Variants in TRIM5 observed in about 807,000 individuals in gnomAD.
TRIM5 encodes tripartite motif containing 5, also known as tripartite motif-containing protein 5.
A neutral mutation model predicts 35.6 loss-of-function variants in TRIM5; 31 were observed. That is an observed-to-expected ratio of 0.87 (90% confidence interval 0.65 to 1.18). The LOEUF (loss-of-function observed/expected upper bound fraction) is 1.18, where lower values mean the gene tolerates loss of function less well. Among genes scored for constraint, TRIM5 ranks in the 50% most tolerant of loss-of-function variants. TRIM5 has a pLI of 0.00. For synonymous variants in TRIM5, 243 were observed against 215.6 expected, an observed-to-expected ratio of 1.13 and a Z score of -1.11; for missense variants, 609 against 591.6, an observed-to-expected ratio of 1.03 and a Z score of -0.31.
At chr11:5,636,547 A>C in the TRIM5 span, among the ~76,000 whole-genome samples, 1 of 152,178 alleles carries the variant, frequency 6.6e-6, no homozygotes, top group Non-Finnish European at 1.5e-5. Flanking sequence ...ACAAAAACAA[A>C]AAGGTTCCGT....
chr11:5,681,099 A>G (rs1220321161), intron 1 of TRIM5, among the ~76,000 whole-genome samples: 10 of 152,086 alleles, frequency 6.6e-5, no homozygotes, highest in African/African-American at 2.2e-4. Context: ...GACATGGTGT[A>G]GAGGGTGATG....
chr11:5,614,793 T>C, the TRIM5 span, among the ~76,000 whole-genome samples: 557 of 152,320 alleles, frequency 3.7e-3, 2 homozygotes, highest in African/African-American at 0.013. Flanking sequence ...GAGGACTGTC[T>C]TAACATTATT....
the TRIM5 span, among the ~76,000 whole-genome samples, chr11:5,652,123 TTTTTGG>T: frequency 2.7e-4 from 41 of 152,014 alleles, no homozygotes; most frequent in East Asian, 1.9e-3. Context: ...TTTGTTTTTG[TTTTTGG>T]TTTTGGTTTT....
chr11:5,650,749 C>T, the TRIM5 span, among the ~76,000 whole-genome samples: 1 of 152,148 alleles, frequency 6.6e-6, no homozygotes, highest in Admixed American at 6.5e-5. Context: ...TTCATGATGG[C>T]CAGGTAGGGT....
chr11:5,658,944 T>C (rs147185200), downstream of TRIM5, among the ~76,000 whole-genome samples: 231 of 152,142 alleles, frequency 1.5e-3, 1 homozygote, highest in African/African-American at 5.3e-3. Context: ...TAGGTGGGAA[T>C]TGAACAATGA....
the TRIM5 span, among the ~76,000 whole-genome samples, chr11:5,644,862 T>TGGGG: frequency 3.9e-5 from 6 of 152,114 alleles, no homozygotes; most frequent in Non-Finnish European, 7.4e-5. Context: ...GATTGGATCA[T>TGGGG]GGGGGCCTCA....
chr11:5,680,335 T>A, intron 1 of TRIM5, 97 bp from the exon 2 acceptor site: 1 of 751,194 alleles, frequency 1.3e-6, no homozygotes, highest in Non-Finnish European at 2.0e-6. Context: ...AAGATGAAAA[T>A]AATTAAGGAC....
the TRIM5 span, among the ~76,000 whole-genome samples, chr11:5,635,076 A>G: frequency 1.3e-5 from 2 of 152,140 alleles, no homozygotes; most frequent in Non-Finnish European, 2.9e-5. Context: ...ATATCTAGTT[A>G]TAGTCTCTAG....
intron 5 of TRIM5, 23 bp downstream of exon 5, chr11:5,667,666 C>T: frequency 1.2e-6 from 2 of 1,612,132 alleles, no homozygotes; most frequent in Non-Finnish European, 8.5e-7. Context: ...ACAAAAGGAC[C>T]ATCTCTGTCC....
chr11:5,654,594 G>A, the TRIM5 span, among the ~76,000 whole-genome samples: 1 of 152,170 alleles, frequency 6.6e-6, no homozygotes, highest in East Asian at 1.9e-4. Context: ...CACCTGGGCA[G>A]CATACATGGG....
At chr11:5,604,105 C>T in the TRIM5 span, among the ~76,000 whole-genome samples, 126 of 152,272 alleles carry the variant, frequency 8.3e-4, no homozygotes, top group Non-Finnish European at 8.1e-4. Context: ...AAGCAGTTCT[C>T]GTGCCTGGCC....
chr11:5,614,367 G>A, the TRIM5 span, among the ~76,000 whole-genome samples: 1 of 152,162 alleles, frequency 6.6e-6, no homozygotes, highest in Non-Finnish European at 1.5e-5. Flanking sequence ...GAAAACTTAG[G>A]GGAGAAAACG....
Position 5,663,224 on chromosome 11 carries a change from C to A in TRIM5, c.*1585G>T. 1 of 941,820 alleles carries A rather than the reference C, an allele frequency of 1.1e-6. No homozygotes were observed. Among genetic ancestry groups the A allele is most frequent in the South Asian group, 4.9e-5 (1 of 20,334 alleles). 58.3% of individuals were successfully genotyped at this position (941,820 alleles called of 1,614,324 possible). The stretch of plus-strand genomic sequence containing the variant: ...GAAATGAGTGAAGCTATTCAAAAAA[C>A]TCGTTTAACTTTTAAAAAACTACAT... On this transcript the variant is annotated 3_prime_UTR_variant, in exon 8 of 8. Transcript: ENST00000380034.
chr11:5,601,313 G>T, the TRIM5 span, among the ~76,000 whole-genome samples: 1 of 152,176 alleles, frequency 6.6e-6, no homozygotes, highest in Non-Finnish European at 1.5e-5. Context: ...AACTTACAAG[G>T]TGCATGATTG....
the TRIM5 span, chr11:5,632,270 T>C: frequency 6.2e-7 from 1 of 1,608,530 alleles, no homozygotes; most frequent in Non-Finnish European, 8.5e-7. Context: ...CAGGGGTCTT[T>C]AACCAGAAGA....
the TRIM5 span, among the ~76,000 whole-genome samples, chr11:5,657,812 C>A: frequency 6.7e-6 from 1 of 149,574 alleles, no homozygotes; most frequent in African/African-American, 2.5e-5. Flanking sequence ...GACAGAGTTT[C>A]ACCATGTTGG....
intron 1 of TRIM5, among the ~76,000 whole-genome samples, chr11:5,683,655 T>C (rs1422990727): frequency 2.0e-5 from 3 of 152,182 alleles, no homozygotes; most frequent in African/African-American, 7.2e-5. Context: ...CTAGCTACTC[T>C]GGTGGGGATG....
At chr11:5,649,133 T>G in the TRIM5 span, among the ~76,000 whole-genome samples, 1 of 152,232 alleles carries the variant, frequency 6.6e-6, no homozygotes, top group Non-Finnish European at 1.5e-5. Context: ...TAAATGCAGT[T>G]TAATATATTC....
In TRIM5 at chr11:5,680,149, T is replaced by C; in HGVS notation, c.29A>G (p.Lys10Arg). The change falls in exon 2 of 8, where the codon AAG (lysine) becomes AGG (arginine). Residue 10 changes from lysine to arginine, a missense_variant. Transcript: ENST00000380034. MASGILVNV[K>R]EEVTCPICLE... is the part of the protein sequence containing the mutation. ...GCAGATGGGGCAGGTCACCTCCTCC[T>C]TTACATTAACCAGGATTCCAGAAGC... The C allele has an allele frequency of 6.2e-7, 1 of 1,612,060 alleles. No homozygotes were observed. The highest frequency in any genetic ancestry group is 2.2e-5 in the East Asian group (1 of 44,848).
Sources: allele counts gnomAD v4.1 joint callset (sites outside exome capture counted in the v4.1 genomes callset), GRCh38; gene constraint gnomAD v4.1.1; transcripts MANE v1.5; gene names NCBI Gene and HGNC (gene_info 2026-07-23, HGNC 2026-07-21).